Variants in TMEM26 observed in about 807,000 individuals in gnomAD.
The protein encoded by TMEM26 is transmembrane protein 26.
A neutral mutation model predicts 28.8 loss-of-function variants in TMEM26; 38 were observed. The observed-to-expected ratio is 1.32, with a 90% CI of 1.02 to 1.73. TMEM26 has a LOEUF of 1.73. Ranked by LOEUF, TMEM26 falls within the 40% of genes most tolerant of loss-of-function variation. The pLI is 0.00. For synonymous variants in TMEM26, 227 were observed against 182.9 expected (o/e 1.24, Z -1.95); for missense variants, 518 against 447.1 (o/e 1.16, Z -1.43).
At position 61,429,241 on chromosome 10, in the gene TMEM26, T is replaced by G. The variant is rs569091370; in HGVS notation, c.385-95A>C. ...GTGCTTTCAATCAAGAGTTTGCTTTTGTAGAGAGTAATTTTCAGGAGTTAT... is the reference window on the plus strand; with the variant it reads ...GTGCTTTCAATCAAGAGTTTGCTTTGGTAGAGAGTAATTTTCAGGAGTTAT... On this transcript the variant is annotated intron_variant, in intron 3 of 5. Coordinates refer to ENST00000399298, the MANE Select transcript of TMEM26 (RefSeq NM_178505.8). 11 of 1,008,280 alleles carry G rather than the reference T, an allele frequency of 1.1e-5. No homozygotes were observed. In the African/African-American group the frequency reaches 1.8e-4, roughly 16 times the overall value. The allele number at this position is 1,008,280 out of a possible 1,614,324, so 62.5% of individuals were successfully genotyped here.
In TMEM26 at chr10:61,445,685, T is replaced by A. The variant is rs181691822; in HGVS notation, c.191+7206A>T. On this transcript the variant is annotated intron_variant, in intron 1 of 5. Transcript: ENST00000399298. ...AAAGTGCCTACATTAAATTTTTTTTTAAAAAAAAGGAAAGAAACTTATTTT... is the reference window on the plus strand; with the variant it reads ...AAAGTGCCTACATTAAATTTTTTTTAAAAAAAAAGGAAAGAAACTTATTTT... 5.9e-3 allele frequency among the ~76,000 whole-genome samples: 736 copies of A among 125,402 alleles called. 2 individuals are homozygous for A. Among genetic ancestry groups the A allele is most frequent in the Non-Finnish European group, 6.2e-3 (398 of 63,924 alleles). 82.3% of individuals were successfully genotyped at this position (125,402 alleles called of 152,430 possible). A position where few individuals can be genotyped will look rare whatever the true frequency, so the allele number is the denominator to read the frequency against.
rs1234537980 is a variant in TMEM26, at chr10:61,409,556, A to T, written c.*766T>A. 6.6e-6 allele frequency: 1 copy of T among 152,220 alleles called. No individual in the cohort carries two copies. Among genetic ancestry groups the T allele is most frequent in the Non-Finnish European group, 1.5e-5 (1 of 68,064 alleles). 9.4% of individuals were successfully genotyped at this position (152,220 alleles called of 1,614,324 possible). On this transcript the variant is annotated 3_prime_UTR_variant, in exon 6 of 6. Transcript: ENST00000399298. ...TAAAGCAGGGTTCAGAAAAATACTG[A>T]TGAACACTGCAAATCATGTTCAGAG...
chr10:61,414,989 A>G (rs1839627475), intron 4 of TMEM26: 1 of 985,316 alleles, frequency 1.0e-6, no homozygotes, highest in Non-Finnish European at 1.2e-6. Flanking sequence ...GGACTCTCCA[A>G]TGGGTTGTTG....
intron 1 of TMEM26, among the ~76,000 whole-genome samples, chr10:61,445,253 A>G (rs1840160718): frequency 6.6e-6 from 1 of 152,220 alleles, no homozygotes; most frequent in African/African-American, 2.4e-5. Context: ...TGAGAATGGC[A>G]CTAGCCAATT....
chr10:61,415,055 T>C (rs1020305313), intron 4 of TMEM26: 11 of 985,350 alleles, frequency 1.1e-5, no homozygotes, highest in East Asian at 1.1e-4. Context: ...TTGGTGGACA[T>C]TGATGGAAGG....
chr10:61,429,532 T>G (rs1287800302), intron 3 of TMEM26, among the ~76,000 whole-genome samples: 1 of 139,808 alleles, frequency 7.2e-6, no homozygotes, highest in Non-Finnish European at 1.6e-5. Context: ...TCCTATATTT[T>G]TCTTTAATAG....
chr10:61,449,101 T>C (rs1369269551), intron 1 of TMEM26, among the ~76,000 whole-genome samples: 2 of 152,270 alleles, frequency 1.3e-5, no homozygotes, highest in African/African-American at 2.4e-5. Flanking sequence ...ATATTCATTT[T>C]CATCTTACAG....
intron 2 of TMEM26, among the ~76,000 whole-genome samples, chr10:61,432,397 T>C (rs1589036773): frequency 6.6e-6 from 1 of 152,102 alleles, no homozygotes; most frequent in Non-Finnish European, 1.5e-5. Context: ...GAATTGTGCA[T>C]GATATTTATC....
intron 1 of TMEM26, among the ~76,000 whole-genome samples, chr10:61,448,102 T>A (rs987831985): frequency 1.3e-5 from 2 of 152,158 alleles, no homozygotes; most frequent in Non-Finnish European, 2.9e-5. Context: ...GAAAGAAGAG[T>A]GAAAAGACTC....
At chr10:61,413,115 G>A in intron 5 of TMEM26, 3 of 494,570 alleles carry the variant, frequency 6.1e-6, no homozygotes, top group Non-Finnish European at 9.5e-6. Context: ...CAACCCTAGT[G>A]ACTATGATTA....
chr10:61,426,349 T>C (rs1839832177), intron 4 of TMEM26, among the ~76,000 whole-genome samples: 1 of 152,112 alleles, frequency 6.6e-6, no homozygotes, highest in South Asian at 2.1e-4. Context: ...TGGTTATGGA[T>C]AAACAAATCT....
chr10:61,436,114 C>A, intron 2 of TMEM26, 56 bp downstream of exon 2: 1 of 1,122,970 alleles, frequency 8.9e-7, no homozygotes, highest in Non-Finnish European at 1.3e-6. Context: ...CTGGATCATA[C>A]TGTGAAAGTA....
At position 61,410,548 on chromosome 10, in the gene TMEM26, A is replaced by G; in HGVS notation, c.881T>C (p.Phe294Ser). Residue 294 changes from phenylalanine to serine, a missense_variant, in exon 6 of 6, where the codon TTC becomes TCC. Phe to Ser is a radical substitution (Grantham distance 155). Coordinates refer to ENST00000399298, the MANE Select transcript of TMEM26 (RefSeq NM_178505.8). ...QMLVFFAAKN[F>S]LVVVLQLYRL... is the part of the protein sequence containing the mutation. The stretch of plus-strand genomic sequence containing the variant: ...GTAGAGTTGCAACACCACCACGAGG[A>G]AGTTCTTCGCGGCAAAGAACACCAG... 6.2e-7 allele frequency: 1 copy of G among 1,614,100 alleles called. No individual in the cohort carries two copies. Among genetic ancestry groups the G allele is most frequent in the African/African-American group, 1.3e-5 (1 of 75,020 alleles).
At chr10:61,416,515 G>A (rs1385884119) in intron 4 of TMEM26, among the ~76,000 whole-genome samples, 1 of 151,936 alleles carries the variant, frequency 6.6e-6, no homozygotes, top group African/African-American at 2.4e-5. Flanking sequence ...ATTTAAACAT[G>A]TTAAACACAT....
In TMEM26 at chr10:61,410,656, C is replaced by G. The variant is rs1839555048; in HGVS notation, c.773G>C (p.Gly258Ala). 6.2e-7 allele frequency: 1 copy of G among 1,614,138 alleles called. No homozygotes were observed. The highest frequency in any genetic ancestry group is 8.5e-7 in the Non-Finnish European group (1 of 1,180,034). Residue 258 changes from glycine (G) to alanine (A), a missense_variant, in exon 6 of 6, where the codon GGA becomes GCA. By Grantham distance (60) the Gly-to-Ala change is moderately conservative. Transcript: ENST00000399298. ...GCCATCTTGTATGAAGACGCTGATTCCGATGTTCCACAGATCGGCACTGTA... is the reference window on the plus strand; with the variant it reads ...GCCATCTTGTATGAAGACGCTGATTGCGATGTTCCACAGATCGGCACTGTA... Reference protein sequence around the residue: ...CQYSADLWNIGISVFIQDGPF... With the variant: ...CQYSADLWNIAISVFIQDGPF...
intron 4 of TMEM26, among the ~76,000 whole-genome samples, chr10:61,418,702 G>C (rs1255252565): frequency 6.6e-6 from 1 of 152,086 alleles, no homozygotes; most frequent in African/African-American, 2.4e-5. Context: ...TAAAAAATCT[G>C]TAGCTTGCTA....
Position 61,409,581 on chromosome 10 carries a change from G to A in TMEM26, c.*741C>T, listed in dbSNP as rs1839538022. Reference sequence around the variant, plus strand: ...ATGAACACTGCAAATCATGTTCAGAGTAGAAATTGTGACTTTGCTAGCATT... The same window carrying A: ...ATGAACACTGCAAATCATGTTCAGAATAGAAATTGTGACTTTGCTAGCATT... On this transcript the variant is annotated 3_prime_UTR_variant, in exon 6 of 6. Coordinates refer to ENST00000399298, the MANE Select transcript of TMEM26 (RefSeq NM_178505.8). 1.3e-5 allele frequency: 2 copies of A among 152,228 alleles called. No individual in the cohort carries two copies. Among genetic ancestry groups the A allele is most frequent in the African/African-American group, 4.8e-5 (2 of 41,438 alleles). 9.4% of individuals were successfully genotyped at this position (152,228 alleles called of 1,614,324 possible). A position where few individuals can be genotyped will look rare whatever the true frequency, so the allele number is the denominator to read the frequency against.
Position 61,431,200 on chromosome 10 carries a change from A to C in TMEM26, c.384+19T>G, listed in dbSNP as rs758320316. The C allele has an allele frequency of 6.3e-7, 1 of 1,592,068 alleles. No individual in the cohort carries two copies. Among genetic ancestry groups the C allele is most frequent in the Non-Finnish European group, 8.6e-7 (1 of 1,160,678 alleles). On this transcript the variant is annotated intron_variant, in intron 3 of 5. Coordinates refer to ENST00000399298, the MANE Select transcript of TMEM26 (RefSeq NM_178505.8). ...CACCATTTTCTAGATCCTTTAATAA[A>C]CAGTGGAAAAGCTCTCACCGTCTCA...
chr10:61,429,275 T>C, intron 3 of TMEM26, 129 bp from the exon 4 acceptor site: 1 of 727,514 alleles, frequency 1.4e-6, no homozygotes, highest in South Asian at 1.9e-5. Flanking sequence ...ATTCTTTACT[T>C]ACTAAAGAAA....
Sources: allele counts gnomAD v4.1 joint callset (sites outside exome capture counted in the v4.1 genomes callset), GRCh38; gene constraint gnomAD v4.1.1; transcripts MANE v1.5; gene names NCBI Gene and HGNC (gene_info 2026-07-23, HGNC 2026-07-21).